The following FRMD4B variants were observed in gnomAD, a reference collection of about 807,000 sequenced individuals.
FRMD4B encodes the protein FERM domain containing 4B.
FRMD4B carries 74 observed loss-of-function variants against 141.5 expected under a neutral mutation model. The observed-to-expected ratio is 0.52, with a 90% CI of 0.43 to 0.63. FRMD4B has a LOEUF of 0.63. Ranked by LOEUF, FRMD4B falls within the 30% of genes least tolerant of loss-of-function variation. The pLI is 0.00. For missense variants in FRMD4B, 1,366 were observed against 1,253.4 expected (o/e 1.09, Z -1.36); for synonymous variants, 506 against 467.9 (o/e 1.08, Z -1.05).
At position 69,197,048 on chromosome 3, in the gene FRMD4B, TAAAG is replaced by T; in HGVS notation, c.954-14_954-11del. ...TCTTGAAACTGAAATCCTGAAAGAT[TAAAG>T]AAAGCACTCAAATAATTCCCCTCTG... On this transcript the variant is annotated splice_polypyrimidine_tract_variant and intron_variant, in intron 12 of 22. Transcript: ENST00000398540. 6.2e-7 allele frequency: 1 copy of T among 1,608,412 alleles called. No individual in the cohort carries two copies. The highest frequency in any genetic ancestry group is 8.5e-7 in the Non-Finnish European group (1 of 1,175,682).
At chr3:69,379,125 G>C (rs1459482564) in intron 1 of FRMD4B, among the ~76,000 whole-genome samples, 1 of 152,200 alleles carries the variant, frequency 6.6e-6, no homozygotes, top group Non-Finnish European at 1.5e-5. Flanking sequence ...CATCAGAACT[G>C]AGACTTGGTG....
chr3:69,488,701 G>C (rs1015729958), intron 1 of FRMD4B, among the ~76,000 whole-genome samples: 1 of 151,816 alleles, frequency 6.6e-6, no homozygotes, highest in Non-Finnish European at 1.5e-5. Flanking sequence ...AGGAGTTCGA[G>C]ACCAGCCTGG....
chr3:69,476,930 A>T, intron 1 of FRMD4B, among the ~76,000 whole-genome samples: 1 of 152,076 alleles, frequency 6.6e-6, no homozygotes, highest in Non-Finnish European at 1.5e-5. Context: ...ATCCCTTGTA[A>T]GTTGGATTCC....
rs138415730 is a variant in FRMD4B at position 69,406,025 on chromosome 3, T to G, written c.-1+26609A>C. On this transcript the variant is annotated intron_variant, in intron 2 of 5. Coordinates refer to the FRMD4B transcript ENST00000459638. ...GCAAAGGGATGCATTGCTTTGTTTT[T>G]CACCCAAAGAATATCAATAACACCA... 2.5e-3 allele frequency among the ~76,000 whole-genome samples: 381 copies of G among 152,358 alleles called. 1 individual carries two copies. Among genetic ancestry groups the G allele is most frequent in the African/African-American group, 8.9e-3 (368 of 41,570 alleles).
chr3:69,245,901 G>A (rs550334105), intron 7 of FRMD4B, among the ~76,000 whole-genome samples: 6 of 138,854 alleles, frequency 4.3e-5, no homozygotes, highest in African/African-American at 1.3e-4. Context: ...GCAATGGTGT[G>A]ATCTCGGCTC....
chr3:69,320,228 AT>A (rs1476666360), intron 1 of FRMD4B, among the ~76,000 whole-genome samples: 2 of 152,120 alleles, frequency 1.3e-5, no homozygotes, highest in Non-Finnish European at 2.9e-5. Context: ...CAATTAAAAA[AT>A]TTTTTTTAAA....
intron 1 of FRMD4B, among the ~76,000 whole-genome samples, chr3:69,324,858 T>G (rs748661458): frequency 1.5e-5 from 2 of 130,952 alleles, no homozygotes; most frequent in Non-Finnish European, 3.5e-5. Flanking sequence ...TTTGGAAGGC[T>G]GAGGCGGGGG....
intron 7 of FRMD4B, among the ~76,000 whole-genome samples, chr3:69,246,925 G>A (rs1162203905): frequency 3.3e-5 from 5 of 152,114 alleles, no homozygotes; most frequent in Non-Finnish European, 7.3e-5. Context: ...TCCCTTTTAG[G>A]CCTTCCTTTG....
chr3:69,396,718 A>G (rs956593611), intron 2 of FRMD4B, among the ~76,000 whole-genome samples: 5 of 152,222 alleles, frequency 3.3e-5, no homozygotes, highest in African/African-American at 9.6e-5. Flanking sequence ...AATGTGGAAG[A>G]ATTGCCATCT....
intron 1 of FRMD4B, among the ~76,000 whole-genome samples, chr3:69,344,748 T>A (rs1424396451): frequency 6.6e-6 from 1 of 152,022 alleles, no homozygotes; most frequent in African/African-American, 2.4e-5. Flanking sequence ...TCTAGAAACA[T>A]CTAATAGAAA....
intron 12 of FRMD4B, chr3:69,198,427 T>C: frequency 2.5e-6 from 1 of 400,356 alleles, no homozygotes; most frequent in Non-Finnish European, 4.5e-6. Flanking sequence ...CACACAAAAC[T>C]AAAAATAACA....
intron 22 of FRMD4B, among the ~76,000 whole-genome samples, chr3:69,175,483 T>C (rs1207282112): frequency 6.6e-6 from 1 of 152,224 alleles, no homozygotes; most frequent in Non-Finnish European, 1.5e-5. Context: ...ACAGGACAGC[T>C]GGCTGTGTCT....
chr3:69,455,429 C>G (rs536015741), intron 1 of FRMD4B, among the ~76,000 whole-genome samples: 1 of 152,116 alleles, frequency 6.6e-6, no homozygotes, highest in South Asian at 2.1e-4. Context: ...AGTGAGACCA[C>G]GAATGCACCA....
intron 1 of FRMD4B, among the ~76,000 whole-genome samples, chr3:69,371,654 A>G (rs907346065): frequency 1.3e-5 from 2 of 152,166 alleles, no homozygotes; most frequent in African/African-American, 4.8e-5. Context: ...TGATAAGTGG[A>G]TATATAGTTT....
In FRMD4B at chr3:69,254,279, A is replaced by AT. The variant is rs1051769893; in HGVS notation, c.502-4181dup. Among the ~76,000 whole-genome samples the AT allele has an allele frequency of 2.3e-3, 348 of 150,100 alleles. 2 individuals carry two copies. Among genetic ancestry groups the AT allele is most frequent in the African/African-American group, 7.4e-3 (305 of 40,946 alleles). On this transcript the variant is annotated intron_variant, in intron 5 of 22. Transcript: ENST00000398540. ...ACTACCATGCCCGGCTAATTTTTGT[A>AT]TTTTTTTTTAGTAGAGATGAGGTTT...
chr3:69,426,309 A>T (rs1412987360), intron 2 of FRMD4B, among the ~76,000 whole-genome samples: 2 of 144,972 alleles, frequency 1.4e-5, no homozygotes, highest in African/African-American at 2.7e-5. Context: ...ATTTGAAACA[A>T]ACTTTTAAAA....
At chr3:69,448,139 C>T (rs111243296) in intron 1 of FRMD4B, among the ~76,000 whole-genome samples, 425 of 151,728 alleles carry the variant, frequency 2.8e-3, no homozygotes, top group African/African-American at 9.9e-3. Context: ...AAGGGATTCT[C>T]GTGGCTCAGC....
chr3:69,465,581 C>T (rs1345426986), intron 1 of FRMD4B, among the ~76,000 whole-genome samples: 1 of 151,866 alleles, frequency 6.6e-6, no homozygotes, highest in Non-Finnish European at 1.5e-5. Context: ...TGACGTTCCC[C>T]ACCCTGTGTC....
chr3:69,404,345 G>A (rs889498747), intron 2 of FRMD4B, among the ~76,000 whole-genome samples: 2 of 152,132 alleles, frequency 1.3e-5, no homozygotes, highest in Non-Finnish European at 2.9e-5. Flanking sequence ...CTGATCCAGA[G>A]GATTCTTTCA....
Sources: allele counts gnomAD v4.1 joint callset (sites outside exome capture counted in the v4.1 genomes callset), GRCh38; gene constraint gnomAD v4.1.1; transcripts MANE v1.5; gene names NCBI Gene and HGNC (gene_info 2026-07-23, HGNC 2026-07-21).